GAB3: variants seen among roughly 807,000 people sequenced by gnomAD.
GAB3 encodes GRB2-associated-binding protein 3.
A neutral mutation model predicts 40.4 loss-of-function variants in GAB3; 12 were observed. The observed-to-expected ratio is 0.30, with a 90% CI of 0.19 to 0.48. The LOEUF (loss-of-function observed/expected upper bound fraction) is 0.48. Among genes scored for constraint, GAB3 ranks in the 20% least tolerant of loss-of-function variants. The pLI, the probability that GAB3 is intolerant of heterozygous loss-of-function variation, is 0.99. For synonymous variants in GAB3, 154 were observed against 176.7 expected, an observed-to-expected ratio of 0.87 and a Z score of 1.02; for missense variants, 381 against 461.9, an observed-to-expected ratio of 0.82 and a Z score of 1.61.
At chrX:154,689,869 C>T (rs1310404382) in intron 8 of GAB3, among the ~76,000 whole-genome samples, 2 of 98,798 alleles carry the variant, frequency 2.0e-5, no homozygotes, top group Admixed American at 2.3e-4. Flanking sequence ...TCAATGCCAT[C>T]CCCATCAAGC....
intron 8 of GAB3, among the ~76,000 whole-genome samples, chrX:154,692,101 A>C (rs1243384324): frequency 2.7e-5 from 3 of 111,932 alleles, no homozygotes; most frequent in Non-Finnish European, 5.6e-5. Flanking sequence ...ATGACATTGG[A>C]TTTGGCAATG....
At chrX:154,682,697 G>C (rs989273233) in intron 8 of GAB3, among the ~76,000 whole-genome samples, 60 of 111,920 alleles carry the variant, frequency 5.4e-4, no homozygotes, top group African/African-American at 1.8e-3. Flanking sequence ...GCTTTTCCTA[G>C]CTGGGCGCAG....
At chrX:154,714,436 C>A (rs1031195663) in intron 2 of GAB3, among the ~76,000 whole-genome samples, 1 of 112,313 alleles carries the variant, frequency 8.9e-6, no homozygotes, top group Non-Finnish European at 1.9e-5. Context: ...AGGGTACACA[C>A]ACAATGTGTT....
chrX:154,716,466 A>T lies in GAB3; in HGVS notation c.73-137T>A. 3 of 554,176 alleles carry T rather than the reference A, an allele frequency of 5.4e-6. No individual in the cohort carries two copies. The South Asian group carries it at 9.4e-5, about 17-fold the overall frequency. 45.7% of individuals were successfully genotyped at this position (554,176 alleles called of 1,213,427 possible). On this transcript the variant is annotated intron_variant, in intron 1 of 9. Coordinates refer to ENST00000424127, the MANE Select transcript of GAB3 (RefSeq NM_001081573.3). ...TTCTAATGATGAAACGCTTTGTATT[A>T]CAGGACTAGTGCCCATCTTCAAGTC... is the stretch of plus-strand genomic sequence containing the variant.
Position 154,677,797 on chromosome X carries a change from G to A in GAB3, c.*381C>T, listed in dbSNP as rs1210581166. On this transcript the variant is annotated 3_prime_UTR_variant, in exon 10 of 10. Coordinates refer to ENST00000424127, the MANE Select transcript of GAB3 (RefSeq NM_001081573.3). ...AGGCTGGAACAAGATGGTCTCCAGA[G>A]GCCCCTTTGCTAGGATAATTTATCA... 4.5e-6 allele frequency: 1 copy of A among 224,629 alleles called. No individual in the cohort carries two copies. The highest frequency in any genetic ancestry group is 7.9e-6 in the Non-Finnish European group (1 of 126,353). 18.5% of individuals were successfully genotyped at this position (224,629 alleles called of 1,213,427 possible). A position where few individuals can be genotyped will look rare whatever the true frequency, so the allele number is the denominator to read the frequency against.
intron 1 of GAB3, among the ~76,000 whole-genome samples, chrX:154,727,689 G>A (rs1557259514): frequency 8.9e-6 from 1 of 112,276 alleles, no homozygotes. Flanking sequence ...AGCTGGAGAT[G>A]TAACAGTGAA....
chrX:154,736,993 T>C (rs1557260595), intron 1 of GAB3, among the ~76,000 whole-genome samples: 2 of 112,230 alleles, frequency 1.8e-5, no homozygotes, highest in African/African-American at 3.2e-5. Context: ...ACACTGCAAA[T>C]GAATAAATAC....
At chrX:154,741,054 A>T (rs180776355) in intron 1 of GAB3, among the ~76,000 whole-genome samples, 1 of 112,141 alleles carries the variant, frequency 8.9e-6, no homozygotes, top group East Asian at 2.8e-4. Flanking sequence ...AGTGGGAGAT[A>T]ACTGAATCAT....
chrX:154,680,274 G>A (rs782420138), intron 8 of GAB3, 26 bp from the exon 9 acceptor site: 4 of 1,058,428 alleles, frequency 3.8e-6, no homozygotes, highest in Non-Finnish European at 5.2e-6. Context: ...ACAGGAGTCA[G>A]GTTAATGATG....
chrX:154,719,004 A>C (rs1603426567), intron 1 of GAB3, among the ~76,000 whole-genome samples: 1 of 111,877 alleles, frequency 8.9e-6, no homozygotes, highest in East Asian at 2.8e-4. Context: ...TAGACAATGA[A>C]GCTAGAAAAG....
intron 1 of GAB3, among the ~76,000 whole-genome samples, chrX:154,740,892 G>A (rs902410134): frequency 8.0e-5 from 9 of 112,067 alleles, no homozygotes; most frequent in East Asian, 2.8e-4. Context: ...GTGGAGGACC[G>A]TCCTGTGCAT....
chrX:154,713,742 C>CATAT (rs59885867), intron 2 of GAB3, among the ~76,000 whole-genome samples: 1,692 of 19,464 alleles, frequency 0.087, 243 homozygotes, highest in East Asian at 0.16. Context: ...AACTAACAAA[C>CATAT]ATATATATAT....
At chrX:154,751,113 G>GCGCC, upstream of GAB3, 3 of 736,928 alleles carry the variant, frequency 4.1e-6, no homozygotes, top group Non-Finnish European at 4.8e-6. Flanking sequence ...GGCGGGCCCA[G>GCGCC]CGCCCGCCCG....
chrX:154,688,026 G>T (rs2070485621), intron 8 of GAB3, among the ~76,000 whole-genome samples: 2 of 112,006 alleles, frequency 1.8e-5, no homozygotes. Context: ...ACTTAAAATG[G>T]ATCATAGACC....
intron 8 of GAB3, among the ~76,000 whole-genome samples, chrX:154,694,103 A>G (rs1436112426): frequency 8.9e-6 from 1 of 111,818 alleles, no homozygotes; most frequent in Non-Finnish European, 1.9e-5. Context: ...TTTGACTACC[A>G]TATTGGGCTG....
intron 8 of GAB3, 103 bp from the exon 9 acceptor site, chrX:154,680,351 G>A (rs1198170283): frequency 2.6e-5 from 13 of 506,556 alleles, no homozygotes; most frequent in East Asian, 3.4e-5. Context: ...CCATCAGATC[G>A]TAACAGAATA....
At chrX:154,730,228 A>G (rs2071272205) in intron 1 of GAB3, among the ~76,000 whole-genome samples, 1 of 112,616 alleles carries the variant, frequency 8.9e-6, no homozygotes, top group Admixed American at 9.4e-5. Context: ...GGAAAGAGGA[A>G]TAAGAATTGC....
rs1231065424 is a variant in GAB3, at chrX:154,713,402, T to C, written c.401A>G (p.Tyr134Cys). The C allele has an allele frequency of 8.3e-7, 1 of 1,204,095 alleles. No individual in the cohort carries two copies. Among genetic ancestry groups the C allele is most frequent in the Non-Finnish European group, 1.1e-6 (1 of 892,886 alleles). The change falls in exon 3 of 10, where the codon TAC becomes TGC. Residue 134 changes from tyrosine (Y) to cysteine (C), a missense_variant. Tyr to Cys is a radical substitution (Grantham distance 194, BLOSUM62 -2). Coordinates refer to ENST00000424127, the MANE Select transcript of GAB3 (RefSeq NM_001081573.3). ...GAADSMESLS[Y>C]TPSSLQPSSA... ...GGATGGCTGCAGGGAGGAGGGCGTG[T>C]AAGAGAGGCTCTCCATGGAATCTGC...
At chrX:154,710,417 AAGAG>A (rs1363487096) in intron 4 of GAB3, among the ~76,000 whole-genome samples, 1 of 111,932 alleles carries the variant, frequency 8.9e-6, no homozygotes, top group African/African-American at 3.3e-5. Context: ...TACAGTAATT[AAGAG>A]AGTGTGGCAC....
Sources: allele counts gnomAD v4.1 joint callset (sites outside exome capture counted in the v4.1 genomes callset), GRCh38; gene constraint gnomAD v4.1.1; transcripts MANE v1.5; gene names NCBI Gene and HGNC (gene_info 2026-07-23, HGNC 2026-07-21).